POC1B: variants seen among roughly 807,000 people sequenced by gnomAD.
POC1B encodes the protein POC1 centriolar protein homolog B.
In POC1B, 44 loss-of-function variants were observed where a neutral mutation model predicts 60.6. That is an observed-to-expected ratio of 0.73 (90% CI 0.57 to 0.93). The LOEUF is 0.93. Ranked by LOEUF, POC1B falls within the 40% of genes least tolerant of loss-of-function variation. The pLI, the probability that POC1B is intolerant of heterozygous loss-of-function variation, is 0.00. For missense variants in POC1B, 555 were observed against 572.3 expected (o/e 0.97, Z 0.31); for synonymous variants, 180 against 198.9 (o/e 0.90, Z 0.80).
At chr12:89,405,711 A>G in the POC1B span, among the ~76,000 whole-genome samples, 130,694 of 152,102 alleles carry the variant, frequency 0.86, 56,262 homozygotes, top group East Asian at 0.98. Context: ...ATCCTGCACT[A>G]TGGGAGGTCG....
chr12:89,471,916 T>A (rs376901705), intron 5 of POC1B, among the ~76,000 whole-genome samples, 187 bp from the exon 6 acceptor site: 1 of 151,946 alleles, frequency 6.6e-6, no homozygotes, highest in East Asian at 1.9e-4. Flanking sequence ...TACAGGCACA[T>A]ATCACCATGC....
intron 2 of POC1B, among the ~76,000 whole-genome samples, chr12:89,512,624 T>G (rs1322038645): frequency 6.6e-6 from 1 of 152,124 alleles, no homozygotes; most frequent in Admixed American, 6.6e-5. Context: ...GGTTTCGTGG[T>G]GCATGCCTGT....
intron 2 of POC1B, chr12:89,523,956 C>G (rs1158849366): frequency 6.2e-7 from 1 of 1,613,708 alleles, no homozygotes; most frequent in Non-Finnish European, 8.5e-7. Context: ...TGGTCCTAAT[C>G]AAGCGTACTC....
intron 2 of POC1B, among the ~76,000 whole-genome samples, chr12:89,517,819 T>C (rs1870524246): frequency 6.6e-6 from 1 of 152,178 alleles, no homozygotes; most frequent in Admixed American, 6.5e-5. Context: ...TCTGTATGTA[T>C]ACCCAGAGCA....
At chr12:89,492,239 T>C (rs1165629926) in intron 3 of POC1B, 124 bp from the exon 4 acceptor site, 1 of 771,516 alleles carries the variant, frequency 1.3e-6, no homozygotes, top group African/African-American at 1.8e-5. Flanking sequence ...TTGTAAAACC[T>C]AACAAAAGTA....
intron 4 of POC1B, among the ~76,000 whole-genome samples, chr12:89,488,218 A>C (rs1868750793): frequency 6.6e-6 from 1 of 152,202 alleles, no homozygotes; most frequent in Admixed American, 6.5e-5. Flanking sequence ...TTTCCCTTAC[A>C]TGAACAACTT....
chr12:89,502,854 C>T (rs375276862), intron 2 of POC1B, among the ~76,000 whole-genome samples: 3 of 152,114 alleles, frequency 2.0e-5, no homozygotes, highest in East Asian at 3.9e-4. Context: ...ACTGGGGATT[C>T]GTTCTATGTT....
intron 2 of POC1B, chr12:89,501,255 T>C (rs781324588): frequency 8.5e-6 from 10 of 1,181,220 alleles, no homozygotes; most frequent in Admixed American, 1.7e-5. Context: ...TGGATACAAG[T>C]TATGCTTTGA....
the POC1B span, among the ~76,000 whole-genome samples, chr12:89,410,146 T>G: frequency 6.6e-6 from 1 of 152,156 alleles, no homozygotes; most frequent in Non-Finnish European, 1.5e-5. Context: ...CAAGGCTGGC[T>G]CAACATATTC....
intron 2 of POC1B, chr12:89,522,771 C>T (rs2135777932): frequency 1.3e-6 from 2 of 1,523,376 alleles, no homozygotes; most frequent in East Asian, 4.5e-5. Context: ...CTTTGACTTT[C>T]TTGACACTAC....
At chr12:89,496,446 AC>A (rs1365859254) in intron 3 of POC1B, among the ~76,000 whole-genome samples, 1 of 152,022 alleles carries the variant, frequency 6.6e-6, no homozygotes. Flanking sequence ...TGTAGATGAA[AC>A]AAGATGGGCA....
chr12:89,468,344 C>T (rs1882762593), intron 7 of POC1B, among the ~76,000 whole-genome samples: 1 of 152,094 alleles, frequency 6.6e-6, no homozygotes, highest in African/African-American at 2.4e-5. Flanking sequence ...GTGCTTGGCA[C>T]AGTCACAAGA....
intron 10 of POC1B, among the ~76,000 whole-genome samples, chr12:89,438,261 T>C (rs1380475408): frequency 4.6e-5 from 7 of 151,750 alleles, no homozygotes; most frequent in Non-Finnish European, 1.5e-5. Flanking sequence ...ATCGAGACCA[T>C]CCTGGCTAAC....
At chr12:89,469,203 T>C (rs2120840163) in intron 7 of POC1B, among the ~76,000 whole-genome samples, 1 of 152,266 alleles carries the variant, frequency 6.6e-6, no homozygotes, top group South Asian at 2.1e-4. Context: ...GAGGTTACAG[T>C]GAGCCGAGAT....
At chr12:89,463,619 C>G (rs922547607) in intron 9 of POC1B, among the ~76,000 whole-genome samples, 1 of 152,092 alleles carries the variant, frequency 6.6e-6, no homozygotes, top group Admixed American at 6.5e-5. Flanking sequence ...GAGAGAGGTA[C>G]TGTTCTCATG....
At chr12:89,409,279 C>T in the POC1B span, among the ~76,000 whole-genome samples, 1 of 152,146 alleles carries the variant, frequency 6.6e-6, no homozygotes, top group Non-Finnish European at 1.5e-5. Context: ...ATCTTTAATC[C>T]ATCTTGAGTT....
intron 5 of POC1B, 109 bp downstream of exon 5, chr12:89,472,059 C>A (rs1471261194): frequency 1.2e-6 from 1 of 802,882 alleles, no homozygotes; most frequent in East Asian, 2.7e-5. Context: ...TGAGCCACTG[C>A]ACCCGGCCAT....
chr12:89,477,572 A>G (rs1408983436), intron 4 of POC1B, among the ~76,000 whole-genome samples: 2 of 151,978 alleles, frequency 1.3e-5, no homozygotes, highest in African/African-American at 4.8e-5. Context: ...CTTTCTTAGT[A>G]AATGGTTTCT....
chr12:89,404,654 C>G, the POC1B span, among the ~76,000 whole-genome samples: 3 of 152,180 alleles, frequency 2.0e-5, no homozygotes, highest in Non-Finnish European at 4.4e-5. Flanking sequence ...GACCCAGCTA[C>G]AACATGACTC....
Sources: allele counts gnomAD v4.1 joint callset (sites outside exome capture counted in the v4.1 genomes callset), GRCh38; gene constraint gnomAD v4.1.1; transcripts MANE v1.5; gene names NCBI Gene and HGNC (gene_info 2026-07-23, HGNC 2026-07-21).